The following CNBD1 variants were observed in gnomAD, a reference collection of about 807,000 sequenced individuals.
CNBD1 encodes cyclic nucleotide-binding domain-containing protein 1.
CNBD1 carries 71 observed loss-of-function variants against 54.4 expected under a neutral mutation model. That is an observed-to-expected ratio of 1.30 (90% CI 1.08 to 1.59). The LOEUF is 1.59. CNBD1 is among the 40% of genes most tolerant of loss of function. The pLI, the probability that CNBD1 is intolerant of heterozygous loss-of-function variation, is 0.00. For missense variants in CNBD1, 659 were observed against 518.0 expected, an observed-to-expected ratio of 1.27 and a Z score of -2.64; for synonymous variants, 182 against 170.7, an observed-to-expected ratio of 1.07 and a Z score of -0.51.
chr8:87,327,513 G>GT (rs974339906), intron 8 of CNBD1, among the ~76,000 whole-genome samples: 82 of 152,154 alleles, frequency 5.4e-4, no homozygotes, highest in African/African-American at 1.8e-3. Flanking sequence ...GTGGTGCGCC[G>GT]TTTTTTAAGC....
At chr8:87,133,231 G>A (rs1211006562) in intron 4 of CNBD1, among the ~76,000 whole-genome samples, 1 of 151,960 alleles carries the variant, frequency 6.6e-6, no homozygotes, top group Non-Finnish European at 1.5e-5. Context: ...TCCAGCATCT[G>A]TGACATCTTA....
intron 4 of CNBD1, among the ~76,000 whole-genome samples, chr8:87,069,859 G>A (rs764593864): frequency 6.6e-6 from 1 of 151,990 alleles, no homozygotes; most frequent in African/African-American, 2.4e-5. Flanking sequence ...GTGCTCAAAT[G>A]TTCCAAATAC....
At chr8:87,240,695 C>G (rs1807678302) in intron 6 of CNBD1, among the ~76,000 whole-genome samples, 2 of 152,062 alleles carry the variant, frequency 1.3e-5, no homozygotes, top group Non-Finnish European at 2.9e-5. Context: ...TCTTTCCAGT[C>G]AGGAAAGGAA....
chr8:87,107,211 C>T (rs1182313040), intron 4 of CNBD1, among the ~76,000 whole-genome samples: 1 of 152,180 alleles, frequency 6.6e-6, no homozygotes, highest in Non-Finnish European at 1.5e-5. Flanking sequence ...TTCCCAAAAT[C>T]TAGATTGTGC....
At chr8:87,116,662 T>C (rs979494224) in intron 4 of CNBD1, among the ~76,000 whole-genome samples, 2 of 152,158 alleles carry the variant, frequency 1.3e-5, no homozygotes, top group Non-Finnish European at 2.9e-5. Flanking sequence ...CCTCATCTCC[T>C]CCCCACCTAG....
chr8:87,420,104 A>G (rs1358548827), intron 2 of CNBD1, among the ~76,000 whole-genome samples: 1 of 151,862 alleles, frequency 6.6e-6, no homozygotes, highest in Non-Finnish European at 1.5e-5. Context: ...ATACCTTACC[A>G]CATTTACAGA....
intron 8 of CNBD1, among the ~76,000 whole-genome samples, chr8:87,327,728 G>A (rs1809714720): frequency 6.6e-6 from 1 of 152,140 alleles, no homozygotes; most frequent in Non-Finnish European, 1.5e-5. Context: ...GATGAACCCG[G>A]TACCTCAGAT....
At chr8:87,350,042 C>T (rs1224878282) in intron 8 of CNBD1, among the ~76,000 whole-genome samples, 1 of 152,118 alleles carries the variant, frequency 6.6e-6, no homozygotes, top group South Asian at 2.1e-4. Context: ...TGCATTATTT[C>T]CTTATCTATA....
intron 4 of CNBD1, among the ~76,000 whole-genome samples, chr8:86,941,853 C>A (rs907908152): frequency 4.6e-5 from 7 of 152,166 alleles, no homozygotes; most frequent in African/African-American, 7.2e-5. Context: ...ACACCCAGGA[C>A]AATAGATGTT....
At chr8:87,309,359 A>G (rs1809219060) in intron 8 of CNBD1, among the ~76,000 whole-genome samples, 1 of 152,034 alleles carries the variant, frequency 6.6e-6, no homozygotes, top group Non-Finnish European at 1.5e-5. Flanking sequence ...TATACCTGTC[A>G]TTTCTTGCAT....
At chr8:86,937,527 A>G (rs894683630) in intron 3 of CNBD1, among the ~76,000 whole-genome samples, 4 of 152,216 alleles carry the variant, frequency 2.6e-5, no homozygotes, top group Non-Finnish European at 4.4e-5. Context: ...CCTTCTGCCT[A>G]TGAGACTCTG....
intron 10 of CNBD1, among the ~76,000 whole-genome samples, chr8:87,377,590 G>A (rs1212432227): frequency 7.9e-5 from 12 of 151,516 alleles, no homozygotes; most frequent in South Asian, 2.1e-4. Flanking sequence ...CTTTGCTATC[G>A]TGAATAATGC....
intron 3 of CNBD1, among the ~76,000 whole-genome samples, chr8:86,930,776 G>T (rs1419519714): frequency 6.6e-6 from 1 of 152,214 alleles, no homozygotes; most frequent in Non-Finnish European, 1.5e-5. Flanking sequence ...TTGGGGTGTT[G>T]CAGGGACTCC....
At chr8:86,884,980 C>T (rs1301313914) in intron 1 of CNBD1, among the ~76,000 whole-genome samples, 1 of 152,154 alleles carries the variant, frequency 6.6e-6, no homozygotes, top group African/African-American at 2.4e-5. Context: ...CTCTTTCTTG[C>T]CTCCTAGCCA....
chr8:87,121,610 AC>A (rs1811891633), intron 4 of CNBD1, among the ~76,000 whole-genome samples: 1 of 150,114 alleles, frequency 6.7e-6, no homozygotes, highest in African/African-American at 2.4e-5. Flanking sequence ...TATATCACAA[AC>A]CCCCCATTCA....
At chr8:87,245,414 G>A (rs1354761632) in intron 6 of CNBD1, among the ~76,000 whole-genome samples, 11 of 151,878 alleles carry the variant, frequency 7.2e-5, no homozygotes, top group South Asian at 2.1e-4. Flanking sequence ...CATTAACTCC[G>A]ATATTTCATT....
intron 2 of CNBD1, among the ~76,000 whole-genome samples, chr8:87,408,641 T>C (rs1352494637): frequency 6.6e-6 from 1 of 151,996 alleles, no homozygotes; most frequent in Non-Finnish European, 1.5e-5. Flanking sequence ...AGATGTTGCA[T>C]TTTTAAAACA....
chr8:86,915,042 A>G (rs1809161557), intron 3 of CNBD1, among the ~76,000 whole-genome samples: 1 of 152,202 alleles, frequency 6.6e-6, no homozygotes, highest in African/African-American at 2.4e-5. Context: ...CCACAGTTGT[A>G]TTATTACTCA....
At chr8:86,929,624 A>G (rs1809422759) in intron 3 of CNBD1, among the ~76,000 whole-genome samples, 1 of 152,174 alleles carries the variant, frequency 6.6e-6, no homozygotes, top group Non-Finnish European at 1.5e-5. Flanking sequence ...GAAAAATAGC[A>G]GGGTTGAAGG....
Sources: allele counts gnomAD v4.1 joint callset (sites outside exome capture counted in the v4.1 genomes callset), GRCh38; gene constraint gnomAD v4.1.1; transcripts MANE v1.5; gene names NCBI Gene and HGNC (gene_info 2026-07-23, HGNC 2026-07-21).